The following KLF8 variants were observed in gnomAD, a reference collection of about 807,000 sequenced individuals.
KLF8 encodes the protein Krueppel-like factor 8.
KLF8 carries 10 observed loss-of-function variants against 18.2 expected under a neutral mutation model. That is an observed-to-expected ratio of 0.55 (90% confidence interval 0.34 to 0.93). The LOEUF is 0.93. Ranked by LOEUF, KLF8 falls within the 40% of genes least tolerant of loss-of-function variation. KLF8 has a pLI of 0.02. For missense variants in KLF8, 264 were observed against 277.9 expected, an observed-to-expected ratio of 0.95 and a Z score of 0.36; for synonymous variants, 109 against 97.3, an observed-to-expected ratio of 1.12 and a Z score of -0.71.
the KLF8 span, among the ~76,000 whole-genome samples, chrX:56,196,057 T>G: frequency 9.0e-6 from 1 of 111,556 alleles, no homozygotes; most frequent in Non-Finnish European, 1.9e-5. Flanking sequence ...CCACCAGGAC[T>G]GCCTTCAAGA....
At chrX:55,995,234 T>A in the KLF8 span, among the ~76,000 whole-genome samples, 1 of 112,599 alleles carries the variant, frequency 8.9e-6, no homozygotes, top group Non-Finnish European at 1.9e-5. Context: ...CTGCTTTTTG[T>A]ATTGATAGAT....
At chrX:56,097,571 G>C in the KLF8 span, among the ~76,000 whole-genome samples, 1 of 105,358 alleles carries the variant, frequency 9.5e-6, no homozygotes, top group African/African-American at 3.5e-5. Context: ...GCAATGTGCA[G>C]GTTAGTTACA....
At chrX:56,247,549 TTTTA>T (rs1252238046) in intron 1 of KLF8, among the ~76,000 whole-genome samples, 4 of 112,292 alleles carry the variant, frequency 3.6e-5, no homozygotes, top group Non-Finnish European at 5.6e-5. Context: ...TACAAAAATA[TTTTA>T]TTTCTTTGTA....
chrX:56,036,319 A>C, the KLF8 span, among the ~76,000 whole-genome samples: 1 of 111,505 alleles, frequency 9.0e-6, no homozygotes, highest in Non-Finnish European at 1.9e-5. Context: ...TGTTTCTTAC[A>C]TTAAGGTCTC....
chrX:56,234,838 G>A (rs758064119), intron 1 of KLF8, among the ~76,000 whole-genome samples: 11 of 112,148 alleles, frequency 9.8e-5, no homozygotes, highest in Non-Finnish European at 2.1e-4. Context: ...GAATGGGTGG[G>A]GAGCAATGTC....
the KLF8 span, among the ~76,000 whole-genome samples, chrX:55,926,507 C>A: frequency 9.1e-6 from 1 of 110,432 alleles, no homozygotes; most frequent in Admixed American, 9.7e-5. Flanking sequence ...TATTTACTCA[C>A]GCACTCAATT....
At chrX:56,061,702 C>G in the KLF8 span, among the ~76,000 whole-genome samples, 1 of 111,108 alleles carries the variant, frequency 9.0e-6, no homozygotes, top group Non-Finnish European at 1.9e-5. Flanking sequence ...GAGCTGAGTT[C>G]AAGTCCTGAA....
the KLF8 span, among the ~76,000 whole-genome samples, chrX:56,066,220 G>A: frequency 8.9e-6 from 1 of 112,300 alleles, no homozygotes; most frequent in East Asian, 2.8e-4. Flanking sequence ...GGTGCCAGCT[G>A]CAGTCGTGGC....
At chrX:55,950,601 A>T in the KLF8 span, among the ~76,000 whole-genome samples, 1 of 111,445 alleles carries the variant, frequency 9.0e-6, no homozygotes, top group Non-Finnish European at 1.9e-5. Flanking sequence ...CAGTAACACT[A>T]AGTGATAGTT....
chrX:56,064,846 C>T, the KLF8 span, among the ~76,000 whole-genome samples: 10 of 111,483 alleles, frequency 9.0e-5, no homozygotes, highest in African/African-American at 1.3e-4. Flanking sequence ...CATCCATTTA[C>T]GAAAAGTTCC....
At chrX:56,213,323 T>C in the KLF8 span, among the ~76,000 whole-genome samples, 3 of 75,724 alleles carry the variant, frequency 4.0e-5, no homozygotes, top group African/African-American at 9.9e-5. Context: ...TCTTTTTTTT[T>C]TTTTTTTTTT....
the KLF8 span, among the ~76,000 whole-genome samples, chrX:56,206,056 C>T: frequency 4.5e-5 from 5 of 111,356 alleles, no homozygotes; most frequent in East Asian, 1.4e-3. Flanking sequence ...GGAACTCCCA[C>T]TTATAAAACC....
At position 56,284,544 on chromosome X, in the gene KLF8, G is replaced by A; in HGVS notation, c.*50G>A. On this transcript the variant is annotated 3_prime_UTR_variant, in exon 6 of 6. Transcript: ENST00000468660. ...CTGCGCTGGTATCTTTCCTGGTCGT[G>A]TGCTGAGGTTGGGACAATTTTTTCC... 1 of 1,030,367 alleles carries A rather than the reference G, an allele frequency of 9.7e-7. No individual in the cohort carries two copies. The highest frequency in any genetic ancestry group is 1.3e-6 in the Non-Finnish European group (1 of 784,147). The allele number at this position is 1,030,367 out of a possible 1,213,427, so 84.9% of individuals were successfully genotyped here.
chrX:56,041,665 GTTTTGTTGT>G, the KLF8 span, among the ~76,000 whole-genome samples: 1 of 68,492 alleles, frequency 1.5e-5, no homozygotes, highest in Non-Finnish European at 2.9e-5. Context: ...GATCTCTCTA[GTTTTGTTGT>G]TGTTGTTGTT....
At chrX:56,242,903 C>A (rs2066565537) in intron 1 of KLF8, 2 of 411,435 alleles carry the variant, frequency 4.9e-6, no homozygotes, top group Non-Finnish European at 9.0e-6. Context: ...TGGAAAGATA[C>A]ACGTAAATTT....
the KLF8 span, among the ~76,000 whole-genome samples, chrX:55,941,324 A>G: frequency 8.9e-6 from 1 of 112,428 alleles, no homozygotes; most frequent in East Asian, 2.8e-4. Flanking sequence ...CATGTGAAGA[A>G]AGCTGCAACT....
At chrX:56,260,418 G>A (rs755123697) in intron 2 of KLF8, among the ~76,000 whole-genome samples, 4 of 111,936 alleles carry the variant, frequency 3.6e-5, no homozygotes, top group Non-Finnish European at 5.6e-5. Context: ...TAGATTCTTT[G>A]AGAAACAAAA....
chrX:56,111,412 C>T, the KLF8 span, among the ~76,000 whole-genome samples: 5 of 111,672 alleles, frequency 4.5e-5, no homozygotes, highest in East Asian at 1.4e-3. Context: ...TCAGAACATA[C>T]ACATGGGCAA....
At chrX:55,947,381 T>G in the KLF8 span, among the ~76,000 whole-genome samples, 1 of 106,468 alleles carries the variant, frequency 9.4e-6, no homozygotes, top group African/African-American at 3.4e-5. Context: ...GTAAACTATC[T>G]CAAGAAGAAA....
Sources: allele counts gnomAD v4.1 joint callset (sites outside exome capture counted in the v4.1 genomes callset), GRCh38; gene constraint gnomAD v4.1.1; transcripts MANE v1.5; gene names NCBI Gene and HGNC (gene_info 2026-07-23, HGNC 2026-07-21).